Variants in FLI1 observed in about 807,000 individuals in gnomAD.
FLI1 encodes Fli-1 proto-oncogene, ETS transcription factor.
Under a neutral mutation model 53.1 loss-of-function variants are expected in FLI1, and 13 were observed. The ratio of observed to expected loss-of-function variants is 0.24; its 90% CI spans 0.16 to 0.39. FLI1 has a LOEUF of 0.39. FLI1 is among the 10% of genes least tolerant of loss of function. The probability of loss-of-function intolerance (pLI) is 1.00; values close to 1 mark genes in which losing one functional copy is unlikely to be tolerated. For synonymous variants in FLI1, 244 were observed against 236.7 expected, an observed-to-expected ratio of 1.03 and a Z score of -0.28; for missense variants, 424 against 600.5, an observed-to-expected ratio of 0.71 and a Z score of 3.07.
intron 1 of FLI1, among the ~76,000 whole-genome samples, chr11:128,747,744 G>T (rs538063982): frequency 6.6e-6 from 1 of 152,270 alleles, no homozygotes; most frequent in South Asian, 2.1e-4. Context: ...GAGCATTGCC[G>T]ACCCTTTTGT....
At chr11:128,742,878 T>C (rs569191143) in intron 1 of FLI1, among the ~76,000 whole-genome samples, 2 of 152,354 alleles carry the variant, frequency 1.3e-5, no homozygotes, top group South Asian at 2.1e-4. Flanking sequence ...GCTGATGTTA[T>C]ACCTGAGAGC....
chr11:128,687,712 T>C (rs1937603977), intron 1 of FLI1, among the ~76,000 whole-genome samples: 3 of 152,102 alleles, frequency 2.0e-5, no homozygotes, highest in Admixed American at 6.5e-5. Flanking sequence ...GTCCAAGGAT[T>C]GCCAATTATG....
At chr11:128,741,344 G>A (rs1268324361) in intron 1 of FLI1, among the ~76,000 whole-genome samples, 1 of 152,228 alleles carries the variant, frequency 6.6e-6, no homozygotes, top group East Asian at 1.9e-4. Context: ...ATTGAGCTGA[G>A]ATCGTGCCAG....
At chr11:128,720,657 C>CT (rs747712297) in intron 1 of FLI1, among the ~76,000 whole-genome samples, 8 of 152,170 alleles carry the variant, frequency 5.3e-5, no homozygotes, top group Non-Finnish European at 1.2e-4. Context: ...ACCAGGAGGC[C>CT]TCTTTTTGCA....
At chr11:128,686,360 G>A (rs1865802598), upstream of FLI1, 3 of 456,154 alleles carry the variant, frequency 6.6e-6, no homozygotes, top group Admixed American at 2.3e-5. Context: ...TTTCGGGCAG[G>A]GGAGAGTAAA....
chr11:128,764,887 C>T, intron 2 of FLI1: 1 of 1,522,570 alleles, frequency 6.6e-7, no homozygotes, highest in South Asian at 1.2e-5. Flanking sequence ...GTGTGGGGAA[C>T]CAGGATGGTG....
intron 1 of FLI1, among the ~76,000 whole-genome samples, chr11:128,732,933 T>C (rs1210288582): frequency 6.6e-6 from 1 of 152,196 alleles, no homozygotes; most frequent in Non-Finnish European, 1.5e-5. Context: ...CGACTTGCAA[T>C]AGTGGCTCTT....
intron 3 of FLI1, 125 bp downstream of exon 3, chr11:128,768,397 G>T: frequency 8.2e-7 from 1 of 1,226,440 alleles, no homozygotes; most frequent in Non-Finnish European, 1.2e-6. Context: ...AAAGCTGCAC[G>T]CCAGCCGGGA....
At position 128,764,261 on chromosome 11, in the gene FLI1, C is replaced by A. The variant is rs7124123; in HGVS notation, c.231-3857C>A. Among the ~76,000 whole-genome samples, 313 of 152,276 alleles carry A rather than the reference C, an allele frequency of 2.1e-3. 3 individuals carry two copies. Among genetic ancestry groups the A allele is most frequent in the African/African-American group, 7.1e-3 (295 of 41,524 alleles). ...ACACCTTGTTTTAAATGGCCTAACA[C>A]ATTGCAAAGCTTTTTTTGGAAACCA... On this transcript the variant is annotated intron_variant, in intron 2 of 8. Transcript: ENST00000527786.
intron 5 of FLI1, among the ~76,000 whole-genome samples, chr11:128,802,917 C>T (rs190825355): frequency 3.9e-5 from 6 of 152,250 alleles, no homozygotes; most frequent in East Asian, 3.9e-4. Flanking sequence ...GGAGAAAAGC[C>T]GATAAGAAGT....
chr11:128,696,649 C>A (rs1938091234), intron 1 of FLI1, among the ~76,000 whole-genome samples: 1 of 152,208 alleles, frequency 6.6e-6, no homozygotes, highest in African/African-American at 2.4e-5. Context: ...AAATCCAGCC[C>A]TACACTGATC....
At chr11:128,702,601 C>A (rs1159067149) in intron 1 of FLI1, among the ~76,000 whole-genome samples, 1 of 152,218 alleles carries the variant, frequency 6.6e-6, no homozygotes, top group Non-Finnish European at 1.5e-5. Context: ...GTGGCTCACA[C>A]CTGTAATCCC....
At chr11:128,708,248 C>T (rs930951538) in intron 1 of FLI1, among the ~76,000 whole-genome samples, 2 of 152,166 alleles carry the variant, frequency 1.3e-5, no homozygotes, top group African/African-American at 4.8e-5. Context: ...CAGTTACCAT[C>T]GACAAGCAGT....
intron 1 of FLI1, among the ~76,000 whole-genome samples, chr11:128,713,114 G>A (rs1938858437): frequency 6.6e-6 from 1 of 152,180 alleles, no homozygotes; most frequent in Non-Finnish European, 1.5e-5. Context: ...TTAAAACAAA[G>A]ATGGGCAGAC....
At chr11:128,793,469 G>GC (rs1245453243) in intron 5 of FLI1, among the ~76,000 whole-genome samples, 2 of 152,114 alleles carry the variant, frequency 1.3e-5, no homozygotes, top group African/African-American at 4.8e-5. Context: ...GCTCTGGAAT[G>GC]CCCCACCCCT....
chr11:128,788,337 CAT>C (rs1565500612), intron 5 of FLI1, among the ~76,000 whole-genome samples: 1 of 151,992 alleles, frequency 6.6e-6, no homozygotes, highest in African/African-American at 2.4e-5. Flanking sequence ...GGTGTGGTGG[CAT>C]GTGCCTGTAG....
intron 5 of FLI1, among the ~76,000 whole-genome samples, chr11:128,784,609 T>A (rs1028616218): frequency 1.3e-5 from 2 of 152,178 alleles, no homozygotes; most frequent in African/African-American, 2.4e-5. Context: ...TGCCTTCCCC[T>A]TGTGAGGTGG....
intron 4 of FLI1, among the ~76,000 whole-genome samples, chr11:128,779,315 G>C (rs1048683804): frequency 6.6e-6 from 1 of 152,222 alleles, no homozygotes; most frequent in Non-Finnish European, 1.5e-5. Flanking sequence ...GGGAGAGAAC[G>C]TCAGGGACGG....
At chr11:128,772,754 C>T in intron 3 of FLI1, 28 bp from the exon 4 acceptor site, 8 of 1,605,988 alleles carry the variant, frequency 5.0e-6, no homozygotes, top group Admixed American at 1.7e-5. Context: ...TCCTGCAGTC[C>T]TTGCTAACAA....
Sources: allele counts gnomAD v4.1 joint callset (sites outside exome capture counted in the v4.1 genomes callset), GRCh38; gene constraint gnomAD v4.1.1; transcripts MANE v1.5; gene names NCBI Gene and HGNC (gene_info 2026-07-23, HGNC 2026-07-21).